The following CACNA2D2 variants were observed in gnomAD, a reference collection of about 807,000 sequenced individuals.
CACNA2D2 encodes the protein calcium voltage-gated channel auxiliary subunit alpha2delta 2.
A neutral mutation model predicts 166.4 loss-of-function variants in CACNA2D2; 48 were observed. That is an observed-to-expected ratio of 0.29 (90% CI 0.23 to 0.37). The LOEUF (loss-of-function observed/expected upper bound fraction) is 0.37, where lower values mean the gene tolerates loss of function less well. CACNA2D2 is among the 10% of genes least tolerant of loss of function. CACNA2D2 has a pLI of 1.00. For synonymous variants in CACNA2D2, 561 were observed against 573.7 expected (o/e 0.98, Z 0.32); for missense variants, 1,122 against 1,433.0 (o/e 0.78, Z 3.50).
chr3:50,365,344 C>A lies in CACNA2D2; in HGVS notation c.3098+12G>T, dbSNP rs1418880258. 5.6e-6 allele frequency: 9 copies of A among 1,612,404 alleles called. No individual in the cohort carries two copies. Among genetic ancestry groups the A allele is most frequent in the Admixed American group, 5.0e-5 (3 of 59,748 alleles). ...CCGCCCTTGGCCTCTGGTCCCGCCC[C>A]ACTGCCAGCACCTGGAGCAGTTTCC... On this transcript the variant is annotated intron_variant, in intron 35 of 37. Transcript: ENST00000424201. The surrounding 1 kb of genome is among the most constrained non-coding windows in gnomAD (Gnocchi z 4.5).
intron 5 of CACNA2D2, among the ~76,000 whole-genome samples, chr3:50,385,825 C>T (rs944870641): frequency 1.3e-5 from 2 of 152,156 alleles, no homozygotes; most frequent in Non-Finnish European, 2.9e-5. Flanking sequence ...GAGGGGGAGG[C>T]GCGGGAGAAG....
chr3:50,457,745 T>C (rs984102606), intron 2 of CACNA2D2, among the ~76,000 whole-genome samples: 1 of 152,232 alleles, frequency 6.6e-6, no homozygotes, highest in East Asian at 1.9e-4. Context: ...CTTTTATATA[T>C]GAAGAAACAA....
intron 22 of CACNA2D2, chr3:50,372,995 G>T: frequency 3.1e-6 from 4 of 1,293,550 alleles, no homozygotes; most frequent in Non-Finnish European, 4.3e-6. Context: ...GGGCAGGGAG[G>T]GGGGCAAGCA....
At chr3:50,416,644 G>A (rs748867733) in intron 3 of CACNA2D2, among the ~76,000 whole-genome samples, 25 of 152,228 alleles carry the variant, frequency 1.6e-4, no homozygotes, top group Non-Finnish European at 3.2e-4. Context: ...ATGCAGTGGG[G>A]CCACGTTAGA....
At chr3:50,473,841 T>C (rs1204391848) in intron 2 of CACNA2D2, among the ~76,000 whole-genome samples, 1 of 152,044 alleles carries the variant, frequency 6.6e-6, no homozygotes, top group Non-Finnish European at 1.5e-5. Flanking sequence ...CCCAGAGCTG[T>C]TGGCAGGAAG....
In CACNA2D2 at chr3:50,375,222, C is replaced by A. The variant is rs587672338; in HGVS notation, c.1908-409G>T. Among the ~76,000 whole-genome samples the A allele has an allele frequency of 6.6e-6, 1 of 152,188 alleles. No individual in the cohort carries two copies. Among genetic ancestry groups the A allele is most frequent in the Non-Finnish European group, 1.5e-5 (1 of 68,030 alleles). ...CAAAGCCAGCAGAAAGCAGGGCTGG[C>A]GCAGATATGGTGGGGGCAGGGGGTG... On this transcript the variant is annotated intron_variant, in intron 21 of 37. Coordinates refer to ENST00000424201, the MANE Select transcript of CACNA2D2 (RefSeq NM_006030.4). This position sits in a 1 kb window ranked among gnomAD's most constrained non-coding sequence, Gnocchi z 4.0.
chr3:50,372,542 C>T (rs1704709584), intron 22 of CACNA2D2, among the ~76,000 whole-genome samples: 1 of 152,180 alleles, frequency 6.6e-6, no homozygotes, highest in African/African-American at 2.4e-5. Context: ...AGCCTTCTGC[C>T]TCCCTTCTTG....
intron 1 of CACNA2D2, among the ~76,000 whole-genome samples, chr3:50,476,961 G>C (rs771656459): frequency 3.2e-4 from 44 of 138,364 alleles, no homozygotes; most frequent in Non-Finnish European, 6.0e-4. Flanking sequence ...ACAGAGTCTC[G>C]ATCTGTCGCC....
chr3:50,455,677 C>A (rs886277590), intron 2 of CACNA2D2, among the ~76,000 whole-genome samples: 2 of 152,192 alleles, frequency 1.3e-5, no homozygotes, highest in Non-Finnish European at 2.9e-5. Flanking sequence ...CACACACCAG[C>A]CTGTCCCCAC....
chr3:50,419,690 G>T (rs553371758), intron 3 of CACNA2D2: 3 of 152,156 alleles, frequency 2.0e-5, no homozygotes, highest in Non-Finnish European at 4.4e-5. Flanking sequence ...AGGATGTGGC[G>T]GAAGCACACA....
At chr3:50,434,254 G>C (rs763335729) in intron 3 of CACNA2D2, 59 bp downstream of exon 3, 91 of 1,176,310 alleles carry the variant, frequency 7.7e-5, no homozygotes, top group Admixed American at 2.0e-4. Flanking sequence ...CATGGTACAG[G>C]ACCTCTCCAC....
At chr3:50,442,084 G>A (rs1234518578) in intron 2 of CACNA2D2, among the ~76,000 whole-genome samples, 1 of 152,244 alleles carries the variant, frequency 6.6e-6, no homozygotes, top group Non-Finnish European at 1.5e-5. Flanking sequence ...GTGTGCCTAT[G>A]TGAAGCTTGC....
intron 2 of CACNA2D2, among the ~76,000 whole-genome samples, chr3:50,439,055 C>T (rs906752534): frequency 2.0e-5 from 3 of 152,218 alleles, no homozygotes; most frequent in African/African-American, 7.2e-5. Context: ...TGCAAAACTG[C>T]GGTTTGAACT....
intron 1 of CACNA2D2, among the ~76,000 whole-genome samples, chr3:50,492,016 T>C (rs991437171): frequency 3.9e-5 from 6 of 152,182 alleles, no homozygotes; most frequent in African/African-American, 1.2e-4. Flanking sequence ...ATATTCACCA[T>C]TGGGTGCTGA....
intron 3 of CACNA2D2, among the ~76,000 whole-genome samples, chr3:50,425,827 C>T (rs1465661938): frequency 6.6e-6 from 1 of 152,192 alleles, no homozygotes; most frequent in Non-Finnish European, 1.5e-5. Context: ...TCAACGGACT[C>T]TCATCTCCCT....
At chr3:50,413,050 G>C (rs1017883497) in intron 3 of CACNA2D2, among the ~76,000 whole-genome samples, 14 of 152,378 alleles carry the variant, frequency 9.2e-5, no homozygotes, top group African/African-American at 3.4e-4. Context: ...CTGGTCTCAG[G>C]CTGCATGAGG....
At chr3:50,452,869 G>A (rs969087788) in intron 2 of CACNA2D2, among the ~76,000 whole-genome samples, 3 of 152,168 alleles carry the variant, frequency 2.0e-5, no homozygotes, top group Non-Finnish European at 4.4e-5. Context: ...TGCATTGTAG[G>A]ATGGGAACAT....
intron 6 of CACNA2D2, among the ~76,000 whole-genome samples, chr3:50,381,985 C>T (rs1349144144): frequency 6.0e-5 from 8 of 134,006 alleles, no homozygotes; most frequent in Non-Finnish European, 1.7e-5. Context: ...TATCCCTACA[C>T]ACACACACAC....
Position 50,377,736 on chromosome 3 carries a change from T to C in CACNA2D2, c.1547A>G (p.Lys516Arg). The C allele has an allele frequency of 6.2e-7, 1 of 1,611,546 alleles. No homozygotes were observed. The highest frequency in any genetic ancestry group is 8.5e-7 in the Non-Finnish European group (1 of 1,178,522). ...FNLTQDGPGE[K>R]KNQLILGVMG... ...CCAACCCTCCCCTTTCCTCACCTTCTTTTCCCCAGGGCCATCCTGTGTCAG... is the reference window on the plus strand; with the variant it reads ...CCAACCCTCCCCTTTCCTCACCTTCCTTTCCCCAGGGCCATCCTGTGTCAG... Residue 516 changes from lysine to arginine, a missense_variant, in exon 16 of 38, where the codon AAG (lysine) becomes AGG (arginine). Lys to Arg is a conservative substitution (Grantham distance 26, BLOSUM62 2). Around this residue, in one of 2 missense-constraint regions of CACNA2D2, gnomAD observed 840 missense variants for 1,166.8 expected, o/e 0.72. Transcript: ENST00000424201.
Sources: allele counts gnomAD v4.1 joint callset (sites outside exome capture counted in the v4.1 genomes callset), GRCh38; gene constraint gnomAD v4.1.1; regional missense constraint gnomAD v4.1.1; non-coding constraint Gnocchi (gnomAD v3.1); transcripts MANE v1.5; gene names NCBI Gene and HGNC (gene_info 2026-07-23, HGNC 2026-07-21).